The following IQGAP1 variants were observed in gnomAD, a reference collection of about 807,000 sequenced individuals.
IQGAP1 encodes the protein IQ motif containing GTPase activating protein 1.
Under a neutral mutation model 215.6 loss-of-function variants are expected in IQGAP1, and 66 were observed. That is an observed-to-expected ratio of 0.31 (90% CI 0.25 to 0.38). The LOEUF (loss-of-function observed/expected upper bound fraction) is 0.38. IQGAP1 is among the 10% of genes least tolerant of loss of function. IQGAP1 has a pLI of 1.00. For synonymous variants in IQGAP1, 772 were observed against 728.7 expected, an observed-to-expected ratio of 1.06 and a Z score of -0.96; for missense variants, 1,712 against 1,997.1, an observed-to-expected ratio of 0.86 and a Z score of 2.72.
intron 15 of IQGAP1, among the ~76,000 whole-genome samples, chr15:90,460,673 A>G (rs1965748290): frequency 6.6e-6 from 1 of 151,970 alleles, no homozygotes; most frequent in African/African-American, 2.4e-5. Context: ...GCATTCTCCA[A>G]TTTCTGCAAG....
At position 90,388,321 on chromosome 15, in the gene IQGAP1, A is replaced by G. The variant is rs1448968311; in HGVS notation, c.-21A>G. 11 of 1,597,392 alleles carry G rather than the reference A, an allele frequency of 6.9e-6. No homozygotes were observed. The highest frequency in any genetic ancestry group is 1.1e-5 in the South Asian group (1 of 90,478). ...TCCAAGGTTTCACGGCTTCCTCAGC[A>G]GAGACTCGGGCTCGTCCGCCATGTC... On this transcript the variant is annotated 5_prime_UTR_variant, in exon 1 of 38. Transcript: ENST00000268182.
intron 15 of IQGAP1, among the ~76,000 whole-genome samples, chr15:90,461,374 G>A (rs375241321): frequency 1.3e-5 from 2 of 152,316 alleles, no homozygotes; most frequent in East Asian, 3.9e-4. Flanking sequence ...TTTCATGGTG[G>A]AGAGGATTTT....
intron 1 of IQGAP1, among the ~76,000 whole-genome samples, chr15:90,389,012 G>C (rs2151691723): frequency 6.6e-6 from 1 of 152,224 alleles, no homozygotes; most frequent in Non-Finnish European, 1.5e-5. Context: ...GGACGTCATT[G>C]AACTGCAGGC....
intron 2 of IQGAP1, among the ~76,000 whole-genome samples, chr15:90,401,529 C>T (rs1303039617): frequency 6.6e-6 from 1 of 152,180 alleles, no homozygotes; most frequent in South Asian, 2.1e-4. Context: ...AGTGTATTCC[C>T]CTTGCCTCTC....
chr15:90,457,872 A>T (rs1218027017), intron 15 of IQGAP1, among the ~76,000 whole-genome samples: 1 of 152,232 alleles, frequency 6.6e-6, no homozygotes, highest in African/African-American at 2.4e-5. Flanking sequence ...AGATAATGTC[A>T]TGAAGGTTTT....
At chr15:90,495,949 A>T (rs1166903878) in intron 36 of IQGAP1, among the ~76,000 whole-genome samples, 1 of 149,194 alleles carries the variant, frequency 6.7e-6, no homozygotes, top group Non-Finnish European at 1.5e-5. Context: ...TATTATTATT[A>T]TTTATTATTA....
intron 3 of IQGAP1, among the ~76,000 whole-genome samples, chr15:90,427,134 ATGC>A (rs1023187115): frequency 2.0e-5 from 3 of 151,904 alleles, no homozygotes; most frequent in African/African-American, 7.3e-5. Context: ...ATGGTCACAC[ATGC>A]TGTAGTCCTG....
chr15:90,481,488 C>G (rs1283178432), intron 26 of IQGAP1, among the ~76,000 whole-genome samples: 2 of 152,066 alleles, frequency 1.3e-5, no homozygotes, highest in Non-Finnish European at 2.9e-5. Context: ...TTTCCACTGT[C>G]ATTTCTCCTG....
At chr15:90,453,021 G>T in intron 12 of IQGAP1, 83 bp downstream of exon 12, 5 of 1,560,332 alleles carry the variant, frequency 3.2e-6, no homozygotes, top group Non-Finnish European at 4.3e-6. Context: ...TGGTTAGGTA[G>T]AACTTTTTTG....
Position 90,452,822 on chromosome 15 carries a change from G to A in IQGAP1, c.1210G>A (p.Ala404Thr). The A allele has an allele frequency of 1.2e-6, 2 of 1,614,158 alleles. No individual in the cohort carries two copies. Among genetic ancestry groups the A allele is most frequent in the Non-Finnish European group, 1.7e-6 (2 of 1,180,014 alleles). Residue 404 changes from alanine to threonine, a missense_variant, in exon 12 of 38, where the codon GCT (alanine) becomes ACT (threonine). This residue lies in a region of IQGAP1 where 1,021 missense variants were observed against 1,074.2 expected (regional missense o/e 0.95). Coordinates refer to ENST00000268182, the MANE Select transcript of IQGAP1 (RefSeq NM_003870.4). The stretch of plus-strand genomic sequence containing the variant: ...TAATGCTGCAATCCAGAAGGGTGTT[G>A]CTGAGAAGACTGTTTTGGAACTGAT... ...LINAAIQKGV[A>T]EKTVLELMNP...
intron 18 of IQGAP1, among the ~76,000 whole-genome samples, chr15:90,472,600 T>A (rs1288964196): frequency 6.6e-6 from 1 of 152,012 alleles, no homozygotes; most frequent in Non-Finnish European, 1.5e-5. Context: ...AGATGACATA[T>A]GAAGTAAAAG....
At chr15:90,429,454 T>G (rs1398402666) in intron 3 of IQGAP1, 135 bp from the exon 4 acceptor site, 2 of 593,408 alleles carry the variant, frequency 3.4e-6, no homozygotes, top group East Asian at 3.0e-5. Flanking sequence ...TTTTTGGTAT[T>G]GGAATGTGAG....
intron 2 of IQGAP1, among the ~76,000 whole-genome samples, chr15:90,418,570 C>T (rs919456142): frequency 1.1e-4 from 17 of 149,820 alleles, no homozygotes; most frequent in African/African-American, 4.2e-4. Context: ...GACTGGGTGG[C>T]AGAGCGAGAC....
chr15:90,421,907 C>T (rs1051910317), intron 2 of IQGAP1, among the ~76,000 whole-genome samples: 13 of 152,176 alleles, frequency 8.5e-5, no homozygotes, highest in African/African-American at 2.9e-4. Flanking sequence ...GTGATCCACC[C>T]GCGTTGGCCT....
intron 18 of IQGAP1, among the ~76,000 whole-genome samples, chr15:90,468,143 C>T (rs928960245): frequency 2.0e-5 from 3 of 152,106 alleles, no homozygotes; most frequent in African/African-American, 4.8e-5. Context: ...TCTCGGCTCA[C>T]TGCAACCTCC....
At chr15:90,388,693 A>G (rs1964589325) in intron 1 of IQGAP1, among the ~76,000 whole-genome samples, 1 of 151,894 alleles carries the variant, frequency 6.6e-6, no homozygotes, top group Non-Finnish European at 1.5e-5. Context: ...ATTGGGGAAG[A>G]CGGCCTAGAG....
At chr15:90,393,227 C>T (rs1964662024) in intron 2 of IQGAP1, among the ~76,000 whole-genome samples, 1 of 152,014 alleles carries the variant, frequency 6.6e-6, no homozygotes, top group East Asian at 1.9e-4. Flanking sequence ...GGTTCCAGGA[C>T]ACCTGCAGAT....
intron 2 of IQGAP1, among the ~76,000 whole-genome samples, chr15:90,425,309 C>G (rs1244444333): frequency 1.3e-5 from 2 of 150,430 alleles, no homozygotes; most frequent in Admixed American, 6.6e-5. Flanking sequence ...GACTTTGTCT[C>G]AAAAGAAAAA....
Position 90,480,401 on chromosome 15 carries a change from A to G in IQGAP1, c.3330-1559A>G, listed in dbSNP as rs145313199. On this transcript the variant is annotated intron_variant, in intron 26 of 37. Transcript: ENST00000268182. ...ACTGGAATCTTGTCACCTCTTGGGAATGTTCTTTCCTAAAATCTCAAAGTT... is the reference window on the plus strand; with the variant it reads ...ACTGGAATCTTGTCACCTCTTGGGAGTGTTCTTTCCTAAAATCTCAAAGTT... 7.9e-3 allele frequency among the ~76,000 whole-genome samples: 1,202 copies of G among 152,262 alleles called. 23 individuals are homozygous for G. The highest frequency in any genetic ancestry group is 0.027 in the African/African-American group (1,109 of 41,546).
Sources: allele counts gnomAD v4.1 joint callset (sites outside exome capture counted in the v4.1 genomes callset), GRCh38; gene constraint gnomAD v4.1.1; regional missense constraint gnomAD v4.1.1; transcripts MANE v1.5; gene names NCBI Gene and HGNC (gene_info 2026-07-23, HGNC 2026-07-21).